NRG3: variants seen among roughly 807,000 people sequenced by gnomAD.
NRG3 encodes pro-neuregulin-3, membrane-bound isoform.
Under a neutral mutation model 66.9 loss-of-function variants are expected in NRG3, and 31 were observed. The ratio of observed to expected loss-of-function variants is 0.46; its 90% CI spans 0.35 to 0.63. NRG3 has a LOEUF of 0.63. Ranked by LOEUF, NRG3 falls within the 20% of genes least tolerant of loss-of-function variation. The pLI is 0.00. For synonymous variants in NRG3, 393 were observed against 359.4 expected (o/e 1.09, Z -1.06); for missense variants, 910 against 878.9 (o/e 1.04, Z -0.45).
chr10:82,736,715 A>G (rs2058171124), intron 2 of NRG3, among the ~76,000 whole-genome samples: 1 of 152,226 alleles, frequency 6.6e-6, no homozygotes, highest in South Asian at 2.1e-4. Flanking sequence ...CCACACACAA[A>G]TAGAATAATG....
intron 1 of NRG3, among the ~76,000 whole-genome samples, chr10:82,072,281 A>G (rs1177714317): frequency 6.6e-6 from 1 of 152,260 alleles, no homozygotes; most frequent in African/African-American, 2.4e-5. Context: ...ATGAAGTGTG[A>G]TTTTAAGTCA....
At chr10:82,724,792 G>A (rs998170856) in intron 2 of NRG3, among the ~76,000 whole-genome samples, 6 of 152,152 alleles carry the variant, frequency 3.9e-5, no homozygotes, top group African/African-American at 1.2e-4. Flanking sequence ...TTTATCAGTT[G>A]TTTGCTAATG....
At chr10:82,158,508 G>C (rs755942170) in intron 1 of NRG3, among the ~76,000 whole-genome samples, 1 of 151,742 alleles carries the variant, frequency 6.6e-6, no homozygotes, top group African/African-American at 2.4e-5. Context: ...AAGTGTTTAT[G>C]ATGTTAAAAT....
At position 82,102,093 on chromosome 10, in the gene NRG3, CATATATATATATGTGTATTCAT is replaced by C. The variant is rs1299219289; in HGVS notation, c.823+225941_823+225962del. On this transcript the variant is annotated intron_variant, in intron 1 of 8. Transcript: ENST00000372141. ...GTGTATACATATATATATGTGTATT[CATATATATATATGTGTATTCAT>C]ATATATATATGTGTATTCATATATA... Among the ~76,000 whole-genome samples the C allele has an allele frequency of 3.9e-3, 423 of 108,890 alleles. 14 individuals are homozygous for C. Among genetic ancestry groups the C allele is most frequent in the East Asian group, 0.018 (45 of 2,442 alleles). The allele number at this position is 108,890 out of a possible 152,430, so 71.4% of individuals were successfully genotyped here.
At chr10:82,724,981 C>T (rs553411992) in intron 2 of NRG3, among the ~76,000 whole-genome samples, 1 of 152,324 alleles carries the variant, frequency 6.6e-6, no homozygotes, top group East Asian at 1.9e-4. Flanking sequence ...GGATAACACA[C>T]TCTCTCCTTC....
chr10:82,004,175 T>C (rs2061290927), intron 1 of NRG3, among the ~76,000 whole-genome samples: 1 of 152,172 alleles, frequency 6.6e-6, no homozygotes, highest in Non-Finnish European at 1.5e-5. Flanking sequence ...GTGGTAAAGG[T>C]AAGAATTTTA....
intron 2 of NRG3, among the ~76,000 whole-genome samples, chr10:82,665,621 T>A (rs2133994060): frequency 6.6e-6 from 1 of 152,338 alleles, no homozygotes; most frequent in South Asian, 2.1e-4. Flanking sequence ...ATCCCTCTTT[T>A]TTTAATACCA....
chr10:82,144,126 C>T (rs2070051310), intron 1 of NRG3, among the ~76,000 whole-genome samples: 1 of 151,924 alleles, frequency 6.6e-6, no homozygotes, highest in African/African-American at 2.4e-5. Flanking sequence ...CTGCTTTCTC[C>T]CTTTACTATT....
intron 2 of NRG3, among the ~76,000 whole-genome samples, chr10:82,375,361 C>T (rs530859923): frequency 6.6e-6 from 1 of 152,140 alleles, no homozygotes; most frequent in South Asian, 2.1e-4. Flanking sequence ...CACGGTAAAA[C>T]CCCGTCTCTA....
chr10:82,287,699 TTCTG>T (rs2079500383), intron 1 of NRG3, among the ~76,000 whole-genome samples: 1 of 152,180 alleles, frequency 6.6e-6, no homozygotes, highest in African/African-American at 2.4e-5. Flanking sequence ...TCAAGCTGTG[TTCTG>T]GGTTCAGGCT....
chr10:82,714,377 A>G (rs1045509589), intron 2 of NRG3, among the ~76,000 whole-genome samples: 1 of 152,202 alleles, frequency 6.6e-6, no homozygotes, highest in Non-Finnish European at 1.5e-5. Flanking sequence ...TGCTGTGAGC[A>G]GCTGCAGAAA....
At chr10:82,743,259 T>G (rs1029913648) in intron 3 of NRG3, among the ~76,000 whole-genome samples, 3 of 152,096 alleles carry the variant, frequency 2.0e-5, no homozygotes, top group Non-Finnish European at 2.9e-5. Context: ...GGAGCATCAC[T>G]TCCATCATGT....
intron 4 of NRG3, among the ~76,000 whole-genome samples, chr10:82,911,950 A>C (rs2131978774): frequency 6.6e-6 from 1 of 151,918 alleles, no homozygotes; most frequent in Admixed American, 6.6e-5. Context: ...TTTTTCTTTA[A>C]TTCATTTTTA....
intron 1 of NRG3, among the ~76,000 whole-genome samples, chr10:82,274,041 G>A (rs1054515247): frequency 3.9e-5 from 6 of 151,984 alleles, no homozygotes; most frequent in South Asian, 4.1e-4. Context: ...ATCCAGTTGC[G>A]CCTGCCTCAT....
chr10:82,712,507 G>A (rs1932270), intron 2 of NRG3, among the ~76,000 whole-genome samples: 49,391 of 152,098 alleles, frequency 0.32, 9,223 homozygotes, highest in African/African-American at 0.51. Context: ...CATGGCCAAC[G>A]CTTCCGAAGG....
intron 1 of NRG3, among the ~76,000 whole-genome samples, chr10:82,019,873 C>G (rs1402293453): frequency 6.6e-6 from 1 of 151,964 alleles, no homozygotes; most frequent in East Asian, 1.9e-4. Context: ...TTTTGTTGAT[C>G]TTTTCAAAAA....
At chr10:82,167,561 ATTATTAC>A (rs2072185997) in intron 1 of NRG3, among the ~76,000 whole-genome samples, 1 of 152,034 alleles carries the variant, frequency 6.6e-6, no homozygotes, top group Non-Finnish European at 1.5e-5. Context: ...TTAGCACATT[ATTATTAC>A]TTATTATATT....
intron 2 of NRG3, among the ~76,000 whole-genome samples, chr10:82,367,088 A>G (rs1044365305): frequency 3.3e-5 from 5 of 152,128 alleles, no homozygotes; most frequent in Non-Finnish European, 7.4e-5. Context: ...CTCCTTTGTA[A>G]GTTTTAAGAC....
intron 2 of NRG3, among the ~76,000 whole-genome samples, chr10:82,509,900 T>G (rs1435967636): frequency 1.3e-5 from 2 of 152,140 alleles, no homozygotes; most frequent in Non-Finnish European, 1.5e-5. Context: ...ACTGTGCATT[T>G]GCTTTTCCTC....
Sources: allele counts gnomAD v4.1 joint callset (sites outside exome capture counted in the v4.1 genomes callset), GRCh38; gene constraint gnomAD v4.1.1; transcripts MANE v1.5; gene names NCBI Gene and HGNC (gene_info 2026-07-23, HGNC 2026-07-21).